LMBRD1: variants seen among roughly 807,000 people sequenced by gnomAD.
The protein encoded by LMBRD1 is lysosomal cobalamin transport escort protein LMBD1.
In LMBRD1, 64 loss-of-function variants were observed where a neutral mutation model predicts 74.8. The ratio of observed to expected loss-of-function variants is 0.86; its 90% CI spans 0.70 to 1.05. LMBRD1 has a LOEUF of 1.05. Ranked by LOEUF, LMBRD1 falls within the 50% of genes least tolerant of loss-of-function variation. LMBRD1 has a pLI of 0.00. For missense variants in LMBRD1, 652 were observed against 645.9 expected, an observed-to-expected ratio of 1.01 and a Z score of -0.10; for synonymous variants, 204 against 216.3, an observed-to-expected ratio of 0.94 and a Z score of 0.50.
intron 14 of LMBRD1, among the ~76,000 whole-genome samples, chr6:69,692,743 T>G (rs1331186841): frequency 6.6e-6 from 1 of 152,146 alleles, no homozygotes; most frequent in Non-Finnish European, 1.5e-5. Context: ...CACCATCTCC[T>G]TTTGCTTTAC....
chr6:69,697,416 T>C (rs940338642), intron 14 of LMBRD1, 147 bp downstream of exon 14: 3 of 611,394 alleles, frequency 4.9e-6, no homozygotes, highest in Non-Finnish European at 8.8e-6. Flanking sequence ...AACAAGAAAT[T>C]CTACTGAAGA....
chr6:69,758,103 T>C (rs1371782805), intron 3 of LMBRD1, among the ~76,000 whole-genome samples: 1 of 152,144 alleles, frequency 6.6e-6, no homozygotes, highest in African/African-American at 2.4e-5. Flanking sequence ...GAAGCAACAA[T>C]CTACCTTTTA....
intron 1 of LMBRD1, among the ~76,000 whole-genome samples, chr6:69,796,087 T>C (rs1766219712): frequency 6.6e-6 from 1 of 152,188 alleles, no homozygotes; most frequent in Admixed American, 6.5e-5. Flanking sequence ...CAGGCCACTC[T>C]GAGACATTTC....
At chr6:69,747,583 T>C (rs1187345321) in intron 5 of LMBRD1, among the ~76,000 whole-genome samples, 1 of 152,234 alleles carries the variant, frequency 6.6e-6, no homozygotes, top group Non-Finnish European at 1.5e-5. Flanking sequence ...GATTCTGCAA[T>C]GCAGAGTAAG....
At chr6:69,786,010 C>T (rs1765935988) in intron 2 of LMBRD1, among the ~76,000 whole-genome samples, 7 of 152,182 alleles carry the variant, frequency 4.6e-5, no homozygotes, top group Admixed American at 4.6e-4. Flanking sequence ...ATCCCCCTCT[C>T]CAAAACACTC....
intron 14 of LMBRD1, among the ~76,000 whole-genome samples, chr6:69,684,933 CAAAG>C (rs1235837807): frequency 6.6e-6 from 1 of 151,896 alleles, no homozygotes; most frequent in Non-Finnish European, 1.5e-5. Flanking sequence ...AGAGAAAAGA[CAAAG>C]GAACAAATTT....
intron 7 of LMBRD1, among the ~76,000 whole-genome samples, chr6:69,732,449 A>T (rs915969506): frequency 1.3e-5 from 2 of 152,146 alleles, no homozygotes; most frequent in African/African-American, 4.8e-5. Context: ...TGTACTTCCC[A>T]GTCTCTAGAA....
chr6:69,713,810 G>T lies in LMBRD1; in HGVS notation c.763-13C>A, dbSNP rs1384750327. ...GACCATCTTTGCTCTGCAAATAACAGAACAAAATAAAAGTTTTACCATTAA... is the reference window on the plus strand; with the variant it reads ...GACCATCTTTGCTCTGCAAATAACATAACAAAATAAAAGTTTTACCATTAA... On this transcript the variant is annotated splice_polypyrimidine_tract_variant and intron_variant, in intron 8 of 15. Transcript: ENST00000649934. The T allele has an allele frequency of 6.2e-7, 1 of 1,612,966 alleles. No individual in the cohort carries two copies. Among genetic ancestry groups the T allele is most frequent in the Non-Finnish European group, 8.5e-7 (1 of 1,179,310 alleles).
intron 3 of LMBRD1, among the ~76,000 whole-genome samples, chr6:69,775,039 G>C (rs986556442): frequency 4.7e-5 from 7 of 147,704 alleles, no homozygotes; most frequent in African/African-American, 1.7e-4. Flanking sequence ...GGGAGGGAAG[G>C]AAGGAAAAGA....
At position 69,690,391 on chromosome 6, in the gene LMBRD1, A is replaced by G. The variant is rs140400371; in HGVS notation, c.1417+7172T>C. 3.5e-3 allele frequency among the ~76,000 whole-genome samples: 528 copies of G among 152,288 alleles called. 1 individual carries two copies. The highest frequency in any genetic ancestry group is 0.012 in the African/African-American group (510 of 41,570). Reference sequence around the variant, plus strand: ...CATTCTCCCTCAATACATAAATGTAAACAATAGATAGATGGAATAAAGAAT... The same window carrying G: ...CATTCTCCCTCAATACATAAATGTAGACAATAGATAGATGGAATAAAGAAT... On this transcript the variant is annotated intron_variant, in intron 14 of 15. Transcript: ENST00000649934.
intron 7 of LMBRD1, among the ~76,000 whole-genome samples, chr6:69,729,234 T>A (rs1766799869): frequency 6.8e-6 from 1 of 147,488 alleles, no homozygotes; most frequent in Non-Finnish European, 1.5e-5. Context: ...CTCATCTTAT[T>A]TCATTAACAA....
intron 9 of LMBRD1, among the ~76,000 whole-genome samples, chr6:69,709,571 G>A (rs1766339091): frequency 6.6e-6 from 1 of 152,014 alleles, no homozygotes; most frequent in African/African-American, 2.4e-5. Flanking sequence ...AGTGAAATTA[G>A]AAAAGTAAAA....
intron 6 of LMBRD1, among the ~76,000 whole-genome samples, 162 bp from the exon 7 acceptor site, chr6:69,738,177 AG>A (rs1562106093): frequency 2.0e-5 from 3 of 152,170 alleles, no homozygotes; most frequent in African/African-American, 7.2e-5. Context: ...TGGAGAAAAG[AG>A]TTTCTAAAGG....
At chr6:69,769,313 T>C (rs190662406) in intron 3 of LMBRD1, among the ~76,000 whole-genome samples, 10 of 152,304 alleles carry the variant, frequency 6.6e-5, no homozygotes, top group Admixed American at 6.5e-4. Flanking sequence ...TCACATCAGT[T>C]ACTATATTCT....
intron 3 of LMBRD1, among the ~76,000 whole-genome samples, chr6:69,774,979 A>AGGGAGGGAGCGAGGGAGGG (rs1765661664): frequency 4.9e-5 from 2 of 40,418 alleles, no homozygotes; most frequent in Non-Finnish European, 8.5e-5. Flanking sequence ...GGAAGGAAGG[A>AGGGAGGGAGCGAGGGAGGG]AGGAAGGAAG....
At chr6:69,781,467 A>G (rs574811596) in intron 2 of LMBRD1, among the ~76,000 whole-genome samples, 2 of 152,300 alleles carry the variant, frequency 1.3e-5, no homozygotes, top group Admixed American at 1.3e-4. Flanking sequence ...AGTGCTCTTA[A>G]AAAAGGGCAT....
chr6:69,725,162 A>C (rs1390222971), intron 7 of LMBRD1, among the ~76,000 whole-genome samples: 1 of 152,140 alleles, frequency 6.6e-6, no homozygotes, highest in Non-Finnish European at 1.5e-5. Context: ...TAACCAAAAA[A>C]GTGAAAGATC....
Position 69,780,694 on chromosome 6 carries a change from G to A in LMBRD1, c.247-140C>T, listed in dbSNP as rs534965403. The stretch of plus-strand genomic sequence containing the variant: ...AACAATCTATGTCTTCAATAAGTGA[G>A]AGACAGACAATAGACAAATTTCAGT... On this transcript the variant is annotated intron_variant, in intron 2 of 15. Coordinates refer to ENST00000649934, the MANE Select transcript of LMBRD1 (RefSeq NM_018368.4). 434 of 684,810 alleles carry A rather than the reference G, an allele frequency of 6.3e-4. 4 individuals carry two copies. Among genetic ancestry groups the A allele is most frequent in the South Asian group, 5.2e-3 (345 of 66,760 alleles). The allele number at this position is 684,810 out of a possible 1,614,324, so 42.4% of individuals were successfully genotyped here.
At chr6:69,709,132 G>T (rs896680784) in intron 9 of LMBRD1, among the ~76,000 whole-genome samples, 1 of 151,910 alleles carries the variant, frequency 6.6e-6, no homozygotes, top group Admixed American at 6.5e-5. Flanking sequence ...TACTTAGGAG[G>T]CTGAGGCAGG....
Sources: gnomAD v4.1 joint callset for allele counts (sites outside exome capture counted in the v4.1 genomes callset) on GRCh38, gnomAD v4.1.1 for gene constraint, MANE v1.5 for transcripts, NCBI Gene and HGNC (gene_info 2026-07-23, HGNC 2026-07-21) for gene names.